The following ARHGAP6 variants were observed in gnomAD, a reference collection of about 807,000 sequenced individuals.
ARHGAP6 encodes Rho GTPase activating protein 6, also known as rho GTPase-activating protein 6.
ARHGAP6 carries 16 observed loss-of-function variants against 55.7 expected under a neutral mutation model. The ratio of observed to expected loss-of-function variants is 0.29; its 90% confidence interval spans 0.19 to 0.44. ARHGAP6 has a LOEUF of 0.44. Ranked by LOEUF, ARHGAP6 falls within the 20% of genes least tolerant of loss-of-function variation. The pLI, the probability that ARHGAP6 is intolerant of heterozygous loss-of-function variation, is 1.00. For synonymous variants in ARHGAP6, 382 were observed against 360.9 expected (o/e 1.06, Z -0.66); for missense variants, 698 against 808.9 (o/e 0.86, Z 1.66).
intron 1 of ARHGAP6, among the ~76,000 whole-genome samples, chrX:11,432,736 A>G (rs1224156073): frequency 1.8e-5 from 2 of 111,524 alleles, no homozygotes; most frequent in Non-Finnish European, 3.8e-5. Flanking sequence ...GGCTGAAATC[A>G]TGTGTCTCCT....
chrX:11,332,010 C>T (rs2048568249), intron 1 of ARHGAP6, among the ~76,000 whole-genome samples: 1 of 112,047 alleles, frequency 8.9e-6, no homozygotes, highest in Non-Finnish European at 1.9e-5. Context: ...GCAAAGTACC[C>T]AAGTCCAAGG....
intron 1 of ARHGAP6, among the ~76,000 whole-genome samples, chrX:11,499,210 G>A (rs904329750): frequency 1.8e-5 from 2 of 112,260 alleles, no homozygotes; most frequent in Non-Finnish European, 3.8e-5. Flanking sequence ...AGGACTGGTT[G>A]TTTCATTGAC....
At position 11,622,628 on chromosome X, in the gene ARHGAP6, T is replaced by C. The variant is rs1422757534; in HGVS notation, c.588+41613A>G. The stretch of plus-strand genomic sequence containing the variant: ...GACTGATTACTTTAACTGCTTAATC[T>C]GAAAAATAAGGGATTGAGGGAAATC... On this transcript the variant is annotated intron_variant, in intron 1 of 12. Coordinates refer to ENST00000337414, the MANE Select transcript of ARHGAP6 (RefSeq NM_013427.3). Among the ~76,000 whole-genome samples the C allele has an allele frequency of 1.1e-4, 12 of 111,313 alleles. No homozygotes were observed. In the Admixed American group the frequency reaches 1.1e-3, roughly 11 times the overall value.
chrX:11,430,726 AAAT>A (rs2147788305), intron 1 of ARHGAP6, among the ~76,000 whole-genome samples: 1 of 112,214 alleles, frequency 8.9e-6, no homozygotes, highest in Admixed American at 9.4e-5. Context: ...ATTATTCAAC[AAAT>A]ATTATTTTAA....
rs73496338 is a variant in ARHGAP6, at chrX:11,147,016, C to A, written c.1908-2768G>T. On this transcript the variant is annotated intron_variant, in intron 10 of 12. Transcript: ENST00000337414. The stretch of plus-strand genomic sequence containing the variant: ...TGTTTTATTCACTCCTCAGAACTCT[C>A]ATAACAACATAGGCAGTTCATAGAT... Among the ~76,000 whole-genome samples, 1,038 of 111,430 alleles carry A rather than the reference C, an allele frequency of 9.3e-3. 11 individuals carry two copies. Among genetic ancestry groups the A allele is most frequent in the African/African-American group, 0.033 (999 of 30,651 alleles).
chrX:11,589,393 C>G (rs1374008052), intron 1 of ARHGAP6, among the ~76,000 whole-genome samples: 4 of 107,062 alleles, frequency 3.7e-5, no homozygotes, highest in African/African-American at 1.0e-4. Context: ...TAATGAAGAA[C>G]TTTTATAAAT....
intron 1 of ARHGAP6, among the ~76,000 whole-genome samples, chrX:11,357,168 T>C (rs931628147): frequency 2.7e-5 from 3 of 112,240 alleles, no homozygotes; most frequent in African/African-American, 6.5e-5. Flanking sequence ...TTTGATCCTG[T>C]TGTCTCTGAG....
intron 1 of ARHGAP6, among the ~76,000 whole-genome samples, chrX:11,273,120 C>A (rs901566220): frequency 9.0e-6 from 1 of 110,561 alleles, no homozygotes; most frequent in African/African-American, 3.3e-5. Context: ...CCTCCCCAAA[C>A]CTCACCCTTT....
intron 1 of ARHGAP6, among the ~76,000 whole-genome samples, chrX:11,614,653 C>A (rs1449454249): frequency 1.8e-5 from 2 of 111,853 alleles, no homozygotes; most frequent in African/African-American, 6.5e-5. Flanking sequence ...CCCTGAAACA[C>A]AGAATGACTG....
intron 3 of ARHGAP6, among the ~76,000 whole-genome samples, chrX:11,189,950 G>A (rs1372642043): frequency 1.8e-5 from 2 of 112,293 alleles, no homozygotes; most frequent in South Asian, 7.4e-4. Context: ...TCTCCTAGCA[G>A]CAGTAAGTTG....
chrX:11,333,965 C>T (rs976756064), intron 1 of ARHGAP6, among the ~76,000 whole-genome samples: 9 of 111,845 alleles, frequency 8.0e-5, no homozygotes, highest in East Asian at 2.8e-4. Context: ...TAAACCCTTT[C>T]GGAAAAGTTG....
At position 11,573,995 on chromosome X, in the gene ARHGAP6, G is replaced by A. The variant is rs763204929; in HGVS notation, c.588+90246C>T. 1.2e-4 allele frequency among the ~76,000 whole-genome samples: 13 copies of A among 110,985 alleles called. No homozygotes were observed. The East Asian group carries it at 2.0e-3, about 17-fold the overall frequency. ...TGATTTGGCTCTCTGTTTCTTCCTC[G>A]ACACATACACCCTCCCAAGACTAAA... On this transcript the variant is annotated intron_variant, in intron 1 of 12. Transcript: ENST00000337414.
At chrX:11,500,279 T>C (rs1427415525) in intron 1 of ARHGAP6, among the ~76,000 whole-genome samples, 4 of 110,954 alleles carry the variant, frequency 3.6e-5, no homozygotes, top group African/African-American at 1.3e-4. Context: ...TTGACTTGCC[T>C]ACTAAGCTGT....
At chrX:11,567,566 A>AAAAAAAAAAATATATATAT (rs1440758737) in intron 1 of ARHGAP6, among the ~76,000 whole-genome samples, 8 of 84,407 alleles carry the variant, frequency 9.5e-5, no homozygotes, top group African/African-American at 3.3e-4. Context: ...AAAAAAAAAA[A>AAAAAAAAAAATATATATAT]ATATATATAT....
Position 11,139,534 on chromosome X carries a change from G to C in ARHGAP6, c.2258-4C>G, listed in dbSNP as rs1710541066. On this transcript the variant is annotated splice_polypyrimidine_tract_variant and splice_region_variant and intron_variant, in intron 12 of 12. Coordinates refer to ENST00000337414, the MANE Select transcript of ARHGAP6 (RefSeq NM_013427.3). The stretch of plus-strand genomic sequence containing the variant: ...TCAAAAATGTCTCCAGAGGAACCTG[G>C]AAGCCAGAGAGAAAGCCCAAGAAAT... 1 of 1,132,654 alleles carries C rather than the reference G, an allele frequency of 8.8e-7. No individual in the cohort carries two copies. Among genetic ancestry groups the C allele is most frequent in the Non-Finnish European group, 1.2e-6 (1 of 859,458 alleles). 93.3% of individuals were successfully genotyped at this position (1,132,654 alleles called of 1,213,427 possible).
chrX:11,359,666 T>C lies in ARHGAP6; in HGVS notation c.589-104959A>G, dbSNP rs1205129476. Among the ~76,000 whole-genome samples, 4 of 111,390 alleles carry C rather than the reference T, an allele frequency of 3.6e-5. No homozygotes were observed. In the East Asian group the frequency reaches 1.1e-3, roughly 31 times the overall value. Reference sequence around the variant, plus strand: ...GAAATAACTAAAATCAGAGCAGAACTGAAGGAAATAGAGACACAAAAAACC... The same window carrying C: ...GAAATAACTAAAATCAGAGCAGAACCGAAGGAAATAGAGACACAAAAAACC... On this transcript the variant is annotated intron_variant, in intron 1 of 12. Transcript: ENST00000337414.
At chrX:11,171,530 C>G (rs1289800193) in intron 8 of ARHGAP6, among the ~76,000 whole-genome samples, 10 of 112,042 alleles carry the variant, frequency 8.9e-5, no homozygotes, top group Non-Finnish European at 1.9e-4. Context: ...TTATTATAAG[C>G]AATGGTACAA....
At chrX:11,657,962 G>A (rs775880285) in intron 1 of ARHGAP6, among the ~76,000 whole-genome samples, 2 of 112,135 alleles carry the variant, frequency 1.8e-5, no homozygotes, top group East Asian at 2.8e-4. Flanking sequence ...AACTTTGAGA[G>A]AATAGTTTCA....
chrX:11,376,540 TGCTGACACCTTGATTTTA>T (rs2049203276), intron 1 of ARHGAP6, among the ~76,000 whole-genome samples: 1 of 113,163 alleles, frequency 8.8e-6, no homozygotes, highest in South Asian at 3.6e-4. Context: ...AAAGGAACCC[TGCTGACACCTTGATTTTA>T]GCCTAGTGAG....
Sources: gnomAD v4.1 joint callset for allele counts (sites outside exome capture counted in the v4.1 genomes callset) on GRCh38, gnomAD v4.1.1 for gene constraint, MANE v1.5 for transcripts, NCBI Gene and HGNC (gene_info 2026-07-23, HGNC 2026-07-21) for gene names.